The following SMYD2 variants were observed in gnomAD, a reference collection of about 807,000 sequenced individuals.
SMYD2 encodes SET and MYND domain containing 2, also known as N-lysine methyltransferase SMYD2.
In SMYD2, 53 loss-of-function variants were observed where a neutral mutation model predicts 59.1. The ratio of observed to expected loss-of-function variants is 0.90; its 90% CI spans 0.72 to 1.13. The LOEUF (loss-of-function observed/expected upper bound fraction) is 1.13. Ranked by LOEUF, SMYD2 falls within the 50% of genes most tolerant of loss-of-function variation. The pLI is 0.00. For synonymous variants in SMYD2, 208 were observed against 198.8 expected (o/e 1.05, Z -0.39); for missense variants, 494 against 544.7 (o/e 0.91, Z 0.93).
chr1:214,311,369 A>G (rs1656997114), intron 2 of SMYD2, among the ~76,000 whole-genome samples: 1 of 152,202 alleles, frequency 6.6e-6, no homozygotes, highest in South Asian at 2.1e-4. Flanking sequence ...GTAGTCTTCA[A>G]GCTTGATATC....
At chr1:214,310,096 A>G (rs1656975594) in intron 2 of SMYD2, among the ~76,000 whole-genome samples, 1 of 152,252 alleles carries the variant, frequency 6.6e-6, no homozygotes, top group South Asian at 2.1e-4. Flanking sequence ...ATGAAAATCC[A>G]GTCTCCTTAT....
chr1:214,314,319 C>T (rs1183785070), intron 2 of SMYD2, among the ~76,000 whole-genome samples: 1 of 152,152 alleles, frequency 6.6e-6, no homozygotes, highest in Non-Finnish European at 1.5e-5. Context: ...AAAAGGGACT[C>T]ATTGCTGTGT....
At position 214,318,502 on chromosome 1, in the gene SMYD2, T is replaced by TTTGACC. The variant is rs1299526041; in HGVS notation, c.410-356_410-351dup. ...CGTGAAATCAGGGGTTGTCCAGTTGTTTGACCACGGCCCAGATTCCCGGGC... is the reference window on the plus strand; with the variant it reads ...CGTGAAATCAGGGGTTGTCCAGTTGTTTGACCTTGACCACGGCCCAGATTCCCGGGC... On this transcript the variant is annotated intron_variant, in intron 4 of 11. Coordinates refer to ENST00000366957, the MANE Select transcript of SMYD2 (RefSeq NM_020197.3). The surrounding 1 kb of genome is among the most constrained non-coding windows in gnomAD (Gnocchi z 5.4). Among the ~76,000 whole-genome samples the TTTGACC allele has an allele frequency of 2.0e-5, 3 of 152,156 alleles. No homozygotes were observed. The highest frequency in any genetic ancestry group is 2.9e-5 in the Non-Finnish European group (2 of 68,024).
intron 1 of SMYD2, among the ~76,000 whole-genome samples, chr1:214,299,465 T>TATA (rs1553254476): frequency 1.4e-4 from 10 of 71,592 alleles, no homozygotes; most frequent in South Asian, 4.1e-4. Context: ...AAAGAAAACA[T>TATA]TATATATATA....
chr1:214,317,553 A>G (rs974976808), intron 3 of SMYD2, among the ~76,000 whole-genome samples: 3 of 152,192 alleles, frequency 2.0e-5, no homozygotes, highest in African/African-American at 4.8e-5. Context: ...CGGGTTTACT[A>G]TTGTTAGCTC....
rs1227259260 is a variant in SMYD2 at position 214,293,041 on chromosome 1, GTGTGTGTGTGT to G, written c.173+11615_173+11625del. Among the ~76,000 whole-genome samples the G allele has an allele frequency of 9.7e-5, 14 of 144,660 alleles. No individual in the cohort carries two copies. In the East Asian group the frequency reaches 2.5e-3, roughly 26 times the overall value. The allele number at this position is 144,660 out of a possible 152,430, so 94.9% of individuals were successfully genotyped here. ...TGTGTGTGTGTGTGTGTGTGTGTGT[GTGTGTGTGTGT>G]GTGTGTGTGTGTGTGTTTGAGACAG... On this transcript the variant is annotated intron_variant, in intron 1 of 11. Coordinates refer to ENST00000366957, the MANE Select transcript of SMYD2 (RefSeq NM_020197.3).
intron 1 of SMYD2, 134 bp downstream of exon 1, chr1:214,281,561 A>T (rs963394579): frequency 6.0e-5 from 11 of 183,484 alleles, no homozygotes; most frequent in Non-Finnish European, 7.0e-5. Context: ...GGGGGCGGGG[A>T]GGGGAGGAGG....
chr1:214,324,763 A>ATT, intron 6 of SMYD2, 55 bp downstream of exon 6: 8 of 1,499,306 alleles, frequency 5.3e-6, no homozygotes, highest in Admixed American at 1.9e-5. Flanking sequence ...CACTAATTTG[A>ATT]TTTTTTTTTC....
chr1:214,305,199 G>T lies in SMYD2; in HGVS notation c.186G>T (p.Leu62Phe). The T allele has an allele frequency of 6.2e-7, 1 of 1,614,218 alleles. No individual in the cohort carries two copies. ...CEYCFTRKEG[L>F]SKCGRCKQAF... ...TTCTGTTTTTAAGGAAAGAAGGATT[G>T]TCCAAATGTGGAAGATGCAAGCAGG... Residue 62 changes from leucine (L) to phenylalanine (F), a missense_variant, in exon 2 of 12, where the codon TTG becomes TTT. Coordinates refer to ENST00000366957, the MANE Select transcript of SMYD2 (RefSeq NM_020197.3).
chr1:214,319,186 T>A lies in SMYD2; in HGVS notation c.534+203T>A, dbSNP rs184370023. Among the ~76,000 whole-genome samples, 74 of 152,194 alleles carry A rather than the reference T, an allele frequency of 4.9e-4. No individual in the cohort carries two copies. The East Asian group carries it at 0.012, about 25-fold the overall frequency. Reference sequence around the variant, plus strand: ...TCAAGGTCCCCTCTGCTGGCCCTCATTGATGGGTGGAGTGTAGGAAATTCG... The same window carrying A: ...TCAAGGTCCCCTCTGCTGGCCCTCAATGATGGGTGGAGTGTAGGAAATTCG... On this transcript the variant is annotated intron_variant, in intron 5 of 11. Transcript: ENST00000366957.
intron 2 of SMYD2, among the ~76,000 whole-genome samples, chr1:214,307,694 T>C (rs1656935718): frequency 1.3e-5 from 2 of 152,148 alleles, no homozygotes; most frequent in Admixed American, 1.3e-4. Context: ...TGAATCGTCA[T>C]GGCCCACATT....
intron 11 of SMYD2, among the ~76,000 whole-genome samples, chr1:214,334,901 C>T (rs1316349048): frequency 6.6e-6 from 1 of 152,286 alleles, no homozygotes; most frequent in Non-Finnish European, 1.5e-5. Flanking sequence ...TTGAAAGCTT[C>T]GGCTCCTCCC....
chr1:214,329,595 G>A (rs143820900), intron 7 of SMYD2, among the ~76,000 whole-genome samples: 143 of 152,316 alleles, frequency 9.4e-4, no homozygotes, highest in African/African-American at 3.2e-3. Context: ...GGGCCAGGCC[G>A]CAGCATTCTG....
At chr1:214,290,704 G>A (rs369169922) in intron 1 of SMYD2, among the ~76,000 whole-genome samples, 1 of 152,054 alleles carries the variant, frequency 6.6e-6, no homozygotes, top group East Asian at 1.9e-4. Flanking sequence ...GGAGGGACGT[G>A]GTAAGATAAT....
intron 1 of SMYD2, 105 bp downstream of exon 1, chr1:214,281,532 C>A: frequency 1.1e-6 from 1 of 941,632 alleles, no homozygotes; most frequent in Non-Finnish European, 1.3e-6. Flanking sequence ...GTCCTAGCGC[C>A]GGCCCTTGGG....
chr1:214,286,245 C>T (rs889668441), intron 1 of SMYD2, among the ~76,000 whole-genome samples: 4 of 152,108 alleles, frequency 2.6e-5, no homozygotes, highest in East Asian at 1.9e-4. Context: ...GTGGGAGGAT[C>T]GCTTGAAGCC....
chr1:214,294,564 T>G (rs1558049270), intron 1 of SMYD2, among the ~76,000 whole-genome samples: 1 of 152,106 alleles, frequency 6.6e-6, no homozygotes, highest in Admixed American at 6.5e-5. Flanking sequence ...CCCAGCTGCT[T>G]GGAGGCTGAG....
At chr1:214,334,991 C>T (rs994730454) in intron 11 of SMYD2, among the ~76,000 whole-genome samples, 1 of 152,222 alleles carries the variant, frequency 6.6e-6, no homozygotes, top group Non-Finnish European at 1.5e-5. Context: ...CCCTGTGCTG[C>T]CCAGGAGCCA....
intron 2 of SMYD2, among the ~76,000 whole-genome samples, chr1:214,306,177 A>G (rs1023724543): frequency 2.0e-5 from 3 of 152,050 alleles, no homozygotes; most frequent in African/African-American, 4.8e-5. Context: ...CTATAGCTGC[A>G]TCTCTTTTTG....
Sources: gnomAD v4.1 joint callset for allele counts (sites outside exome capture counted in the v4.1 genomes callset) on GRCh38, gnomAD v4.1.1 for gene constraint, Gnocchi (gnomAD v3.1) non-coding constraint, MANE v1.5 for transcripts, NCBI Gene and HGNC (gene_info 2026-07-23, HGNC 2026-07-21) for gene names.